Variants in ANXA4 observed in about 807,000 individuals in gnomAD.
ANXA4 encodes 35-beta calcimedin.
ANXA4 carries 39 observed loss-of-function variants against 49.8 expected under a neutral mutation model. The ratio of observed to expected loss-of-function variants is 0.78; its 90% CI spans 0.61 to 1.02. ANXA4 has a LOEUF of 1.02. Among genes scored for constraint, ANXA4 ranks in the 50% least tolerant of loss-of-function variants. The pLI is 0.00. For synonymous variants in ANXA4, 134 were observed against 152.5 expected (o/e 0.88, Z 0.89); for missense variants, 360 against 410.1 (o/e 0.88, Z 1.05).
intron 3 of ANXA4, among the ~76,000 whole-genome samples, chr2:69,802,338 G>C (rs563631946): frequency 1.5e-4 from 23 of 152,320 alleles, no homozygotes; most frequent in Middle Eastern, 6.8e-3. Flanking sequence ...TAAAAAGAGT[G>C]AAAGAATGCA....
chr2:69,681,298 C>A (rs1251264854), intron 2 of ANXA4, among the ~76,000 whole-genome samples: 1 of 151,502 alleles, frequency 6.6e-6, no homozygotes, highest in Non-Finnish European at 1.5e-5. Context: ...TATAGTTGTT[C>A]ATAACAGTCT....
chr2:69,795,860 C>G lies in ANXA4; in HGVS notation c.97+7719C>G, dbSNP rs538363493. On this transcript the variant is annotated intron_variant, in intron 3 of 12. Transcript: ENST00000394295. ...GGCATGTGTAAATAATAAGTTCCCC[C>G]CAACTACAGTGAGAGAAATATTGGG... 2.5e-3 allele frequency among the ~76,000 whole-genome samples: 386 copies of G among 152,222 alleles called. 1 individual carries two copies. The highest frequency in any genetic ancestry group is 8.7e-3 in the African/African-American group (360 of 41,534).
At chr2:69,644,254 T>G (rs2105286224), upstream of ANXA4, among the ~76,000 whole-genome samples, 1 of 142,102 alleles carries the variant, frequency 7.0e-6, no homozygotes, top group African/African-American at 2.6e-5. Context: ...TTCTGGAGGT[T>G]GTGGTTTCCG....
At chr2:69,682,053 T>A (rs566849264) in intron 2 of ANXA4, among the ~76,000 whole-genome samples, 1 of 152,268 alleles carries the variant, frequency 6.6e-6, no homozygotes, top group East Asian at 1.9e-4. Context: ...TGCCTAAGTA[T>A]GTTGCCTAAG....
intron 2 of ANXA4, among the ~76,000 whole-genome samples, chr2:69,695,160 A>C (rs1475447995): frequency 1.3e-5 from 2 of 152,160 alleles, no homozygotes; most frequent in African/African-American, 4.8e-5. Context: ...GAAAAAAAAA[A>C]AGTACACATT....
chr2:69,767,558 T>C (rs1415620986), intron 1 of ANXA4, among the ~76,000 whole-genome samples: 3 of 152,182 alleles, frequency 2.0e-5, no homozygotes, highest in East Asian at 3.8e-4. Context: ...AAGAGACATA[T>C]TACAGAGCCA....
intron 2 of ANXA4, among the ~76,000 whole-genome samples, chr2:69,666,357 G>A (rs1260243641): frequency 6.6e-6 from 1 of 152,158 alleles, no homozygotes; most frequent in East Asian, 1.9e-4. Context: ...TGACAAAGAT[G>A]TGGAGAAGCT....
chr2:69,787,959 G>A, intron 2 of ANXA4, 95 bp from the exon 3 acceptor site: 1 of 1,059,958 alleles, frequency 9.4e-7, no homozygotes, highest in East Asian at 2.4e-5. Flanking sequence ...TACCATCTAG[G>A]CTATGGTCAG....
At chr2:69,745,780 A>G (rs936529305) in intron 1 of ANXA4, among the ~76,000 whole-genome samples, 3 of 152,064 alleles carry the variant, frequency 2.0e-5, no homozygotes, top group African/African-American at 7.2e-5. Context: ...ATCCGCTTGC[A>G]TCAGCCTCCC....
upstream of ANXA4, among the ~76,000 whole-genome samples, chr2:69,741,612 C>T (rs1181229709): frequency 2.0e-5 from 3 of 152,276 alleles, no homozygotes; most frequent in African/African-American, 4.8e-5. Context: ...TCACTTTCTA[C>T]TTTTCCGGCC....
At chr2:69,821,636 G>T (rs7608675) in intron 12 of ANXA4, among the ~76,000 whole-genome samples, 2,185 of 152,052 alleles carry the variant, frequency 0.014, 53 homozygotes, top group African/African-American at 0.051. Flanking sequence ...ATTTTTTGTA[G>T]AAATGGCGTT....
chr2:69,778,678 G>A (rs1262758104), intron 1 of ANXA4, among the ~76,000 whole-genome samples: 1 of 151,320 alleles, frequency 6.6e-6, no homozygotes. Context: ...GGGAGGCTGA[G>A]GCAGGCGAAT....
In ANXA4 at chr2:69,800,807, G is replaced by A. The variant is rs938662353; in HGVS notation, c.98-3726G>A. ...GGCCTCGTCTGGGGTGACACCCATG[G>A]TTTGTTGTCTCACGGCCACAGATAT... On this transcript the variant is annotated intron_variant, in intron 3 of 12. Coordinates refer to ENST00000394295, the MANE Select transcript of ANXA4 (RefSeq NM_001153.5). Among the ~76,000 whole-genome samples, 13 of 152,298 alleles carry A rather than the reference G, an allele frequency of 8.5e-5. No homozygotes were observed. In the South Asian group the frequency reaches 2.7e-3, roughly 32 times the overall value.
intron 3 of ANXA4, among the ~76,000 whole-genome samples, chr2:69,803,098 G>A (rs1050480259): frequency 6.6e-6 from 1 of 151,956 alleles, no homozygotes; most frequent in Non-Finnish European, 1.5e-5. Flanking sequence ...CTACTAGGGA[G>A]GCTGAGGCAG....
intron 1 of ANXA4, among the ~76,000 whole-genome samples, chr2:69,756,130 A>G (rs1024404653): frequency 2.6e-5 from 4 of 152,246 alleles, no homozygotes; most frequent in South Asian, 2.1e-4. Flanking sequence ...AGAGCTGGCT[A>G]TTAGCTTTAT....
Position 69,765,635 on chromosome 2 carries a change from C to T in ANXA4, c.-46-15885C>T, listed in dbSNP as rs150637300. Among the ~76,000 whole-genome samples the T allele has an allele frequency of 2.8e-3, 421 of 152,268 alleles. 4 individuals are homozygous for T. The highest frequency in any genetic ancestry group is 6.6e-3 in the Admixed American group (101 of 15,284). On this transcript the variant is annotated intron_variant, in intron 1 of 12. Transcript: ENST00000394295. ...TCTAGCACTATATATTAGCTTTGTT[C>T]GTTCTAGCGTTTCATGTAAATACTT...
At chr2:69,782,994 T>C (rs924329011) in intron 2 of ANXA4, among the ~76,000 whole-genome samples, 3 of 152,202 alleles carry the variant, frequency 2.0e-5, no homozygotes, top group African/African-American at 7.2e-5. Flanking sequence ...CTCATATGTA[T>C]AATGATTTTT....
rs149083091 is a variant in ANXA4 at position 69,694,027 on chromosome 2, G to T, written n.767-26747G>T. On this transcript the variant is annotated intron_variant and non_coding_transcript_variant, in intron 2 of 3. Transcript: ENST00000418066. ...TTACGCATGGTTTATATAAAAAGTT[G>T]GTCTCCCTATTCCAACGTATCTGAT... Among the ~76,000 whole-genome samples the T allele has an allele frequency of 6.1e-3, 933 of 151,984 alleles. 4 individuals are homozygous for T. Among genetic ancestry groups the T allele is most frequent in the Admixed American group, 0.01 (160 of 15,258 alleles).
At chr2:69,656,415 A>C (rs1006994852) in intron 2 of ANXA4, among the ~76,000 whole-genome samples, 32 of 140,590 alleles carry the variant, frequency 2.3e-4, no homozygotes, top group Non-Finnish European at 9.0e-5. Context: ...ATATATGTAT[A>C]TATATATGTG....
Sources: gnomAD v4.1 joint callset for allele counts (sites outside exome capture counted in the v4.1 genomes callset) on GRCh38, gnomAD v4.1.1 for gene constraint, MANE v1.5 for transcripts, NCBI Gene and HGNC (gene_info 2026-07-23, HGNC 2026-07-21) for gene names.